The following BRF1 variants were observed in gnomAD, a reference collection of about 807,000 sequenced individuals.
The protein encoded by BRF1 is BRF1 general transcription factor IIIB subunit.
A neutral mutation model predicts 81.7 loss-of-function variants in BRF1; 59 were observed. The observed-to-expected ratio is 0.72, with a 90% confidence interval of 0.59 to 0.90. The LOEUF is 0.90. BRF1 is among the 40% of genes least tolerant of loss of function. BRF1 has a pLI of 0.00. For missense variants in BRF1, 1,050 were observed against 936.3 expected, an observed-to-expected ratio of 1.12 and a Z score of -1.58; for synonymous variants, 491 against 395.6, an observed-to-expected ratio of 1.24 and a Z score of -2.86.
upstream of BRF1, among the ~76,000 whole-genome samples, chr14:105,303,010 C>T (rs587622619): frequency 6.6e-6 from 1 of 151,974 alleles, no homozygotes; most frequent in East Asian, 1.9e-4. Context: ...CTCACTGCAA[C>T]TTCCACCTCC....
chr14:105,218,873 C>T, intron 14 of BRF1, 125 bp downstream of exon 14: 2 of 1,379,298 alleles, frequency 1.5e-6, no homozygotes, highest in African/African-American at 1.4e-5. Context: ...GAGCACATGG[C>T]CTCCGGCTGC....
At chr14:105,293,360 C>G (rs1361887848) in intron 1 of BRF1, among the ~76,000 whole-genome samples, 1 of 152,230 alleles carries the variant, frequency 6.6e-6, no homozygotes, top group African/African-American at 2.4e-5. Context: ...ACGGACACCC[C>G]AGCTTCGAAG....
chr14:105,215,384 G>C (rs1194682549), intron 15 of BRF1, among the ~76,000 whole-genome samples: 1 of 151,338 alleles, frequency 6.6e-6, no homozygotes, highest in African/African-American at 2.4e-5. Flanking sequence ...GTGCACACCT[G>C]CATTTGCACA....
Position 105,278,028 on chromosome 14 carries a change from C to G in BRF1, c.266-5134G>C, listed in dbSNP as rs587727680. Among the ~76,000 whole-genome samples, 5 of 152,268 alleles carry G rather than the reference C, an allele frequency of 3.3e-5. No individual in the cohort carries two copies. In the South Asian group the frequency reaches 6.2e-4, roughly 19 times the overall value. On this transcript the variant is annotated intron_variant, in intron 2 of 17. Coordinates refer to ENST00000547530, the MANE Select transcript of BRF1 (RefSeq NM_001519.4). ...CTCCGCCTCCCAAAGTGCTGGGATA[C>G]AAGCATGAGCCACTGTGCCTGGCCA...
chr14:105,241,140 G>C (rs2054588915), intron 6 of BRF1, 125 bp downstream of exon 6: 1 of 1,461,604 alleles, frequency 6.8e-7, no homozygotes. Context: ...GTCAGCCCCG[G>C]GAGGCTGGAG....
At position 105,268,914 on chromosome 14, in the gene BRF1, C is replaced by A. The variant is rs902854459; in HGVS notation, c.439+3807G>T. 1.5e-4 allele frequency among the ~76,000 whole-genome samples: 23 copies of A among 152,208 alleles called. 1 individual carries two copies. Among genetic ancestry groups the A allele is most frequent in the Admixed American group, 1.1e-3 (17 of 15,280 alleles). On this transcript the variant is annotated intron_variant, in intron 3 of 17. Transcript: ENST00000547530. ...AGAAGAGAGCCTGGCTGCACACACC[C>A]TCTCCTGGGTGGATTTTCTGTGGAA...
intron 5 of BRF1, chr14:105,248,174 G>C: frequency 1.0e-6 from 1 of 985,490 alleles, no homozygotes; most frequent in African/African-American, 1.7e-5. Context: ...TGCAAGCGCT[G>C]GCTGCTGGCG....
intron 5 of BRF1, chr14:105,249,142 CCT>C (rs1566833902): frequency 1.3e-6 from 2 of 1,560,324 alleles, no homozygotes; most frequent in Non-Finnish European, 1.7e-6. Flanking sequence ...CCAGCCCGTG[CCT>C]CTACCTTTGC....
chr14:105,272,845 G>A lies in BRF1; in HGVS notation c.315C>T (p.His105=). The A allele has an allele frequency of 6.2e-7, 1 of 1,613,918 alleles. No individual in the cohort carries two copies. Among genetic ancestry groups the A allele is most frequent in the Non-Finnish European group, 8.5e-7 (1 of 1,179,878 alleles). The change falls in exon 3 of 18, where the codon CAC becomes CAT. Residue 105 remains histidine, a synonymous_variant. Transcript: ENST00000547530. ...AGAAGTTGAAGGCGGTGTCCAGGCA[G>A]TGCTGGTTCAGCTGCAGCTGGTTCC... The part of the protein sequence containing the change: ...HLGNQLQLNQ[H]CLDTAFNFFK...
At chr14:105,224,205 C>T (rs970768074) in intron 10 of BRF1, among the ~76,000 whole-genome samples, 1 of 152,094 alleles carries the variant, frequency 6.6e-6, no homozygotes, top group Non-Finnish European at 1.5e-5. Flanking sequence ...CCCGTTTCTA[C>T]AAAAAATACA....
chr14:105,241,835 C>T (rs1437524085), intron 5 of BRF1: 1 of 226,488 alleles, frequency 4.4e-6, no homozygotes, highest in Non-Finnish European at 9.1e-6. Flanking sequence ...AGCTGACACT[C>T]ATGGGTGAGA....
intron 4 of BRF1, among the ~76,000 whole-genome samples, chr14:105,255,803 CTG>C (rs2055836869): frequency 1.3e-5 from 2 of 152,122 alleles, no homozygotes; most frequent in Admixed American, 6.5e-5. Flanking sequence ...TCCAAACAGA[CTG>C]TAATATAAGA....
intron 1 of BRF1, among the ~76,000 whole-genome samples, chr14:105,313,540 C>G (rs895125360): frequency 3.3e-5 from 5 of 152,236 alleles, no homozygotes; most frequent in African/African-American, 1.2e-4. Flanking sequence ...GTTCTAGATA[C>G]AGGAGTTACA....
At chr14:105,260,923 C>T (rs1313756102) in intron 3 of BRF1, among the ~76,000 whole-genome samples, 1 of 152,210 alleles carries the variant, frequency 6.6e-6, no homozygotes, top group African/African-American at 2.4e-5. Context: ...CTACTAATGC[C>T]TTTGGGGCCC....
At chr14:105,281,492 G>T (rs1165091386) in intron 2 of BRF1, among the ~76,000 whole-genome samples, 2 of 151,158 alleles carry the variant, frequency 1.3e-5, no homozygotes, top group African/African-American at 2.4e-5. Flanking sequence ...CAGGTGTGCG[G>T]ATACAGCCTG....
chr14:105,250,950 G>A, intron 5 of BRF1: 1 of 430,812 alleles, frequency 2.3e-6, no homozygotes, highest in Non-Finnish European at 4.3e-6. Flanking sequence ...CATGCCACCT[G>A]CTTTGAGGGG....
intron 5 of BRF1, 194 bp downstream of exon 5, chr14:105,252,313 C>T: frequency 1.0e-6 from 1 of 955,206 alleles, no homozygotes; most frequent in East Asian, 1.2e-4. Context: ...GCACTCCAGC[C>T]TGGACAACAG....
intron 1 of BRF1, among the ~76,000 whole-genome samples, chr14:105,292,906 C>T (rs1331919338): frequency 2.0e-5 from 3 of 152,224 alleles, no homozygotes; most frequent in Admixed American, 1.3e-4. Context: ...GCCCAGGCCC[C>T]TTCCCCAGGC....
chr14:105,250,247 G>A (rs747176849), intron 5 of BRF1: 2 of 1,613,018 alleles, frequency 1.2e-6, no homozygotes, highest in East Asian at 4.5e-5. Context: ...CCAGTCTTCT[G>A]CCTACCGCAG....
Sources: allele counts gnomAD v4.1 joint callset (sites outside exome capture counted in the v4.1 genomes callset), GRCh38; gene constraint gnomAD v4.1.1; transcripts MANE v1.5; gene names NCBI Gene and HGNC (gene_info 2026-07-23, HGNC 2026-07-21).